SSC5D: variants seen among roughly 807,000 people sequenced by gnomAD.
SSC5D encodes soluble scavenger receptor cysteine-rich domain-containing protein SSC5D.
SSC5D carries 106 observed loss-of-function variants against 104.6 expected under a neutral mutation model. The ratio of observed to expected loss-of-function variants is 1.01; its 90% CI spans 0.87 to 1.19. The LOEUF is 1.19. Ranked by LOEUF, SSC5D falls within the 50% of genes most tolerant of loss-of-function variation. The probability of loss-of-function intolerance (pLI) is 0.00; values close to 1 mark genes in which losing one functional copy is unlikely to be tolerated. For missense variants in SSC5D, 1,993 were observed against 2,153.8 expected (o/e 0.93, Z 1.48); for synonymous variants, 860 against 883.5 (o/e 0.97, Z 0.47).
At chr19:55,497,782 T>G in intron 8 of SSC5D, 98 bp from the exon 9 acceptor site, 3 of 1,180,396 alleles carry the variant, frequency 2.5e-6, no homozygotes, top group Non-Finnish European at 3.5e-6. Context: ...CCTAGATGGA[T>G]GAGTGGAAAG....
rs558355009 is a variant in SSC5D, at chr19:55,501,161, G to T, written c.2745G>T (p.Pro915=). 6.5e-7 allele frequency: 1 copy of T among 1,546,136 alleles called. No individual in the cohort carries two copies. Among genetic ancestry groups the T allele is most frequent in the African/African-American group, 1.4e-5 (1 of 72,782 alleles). Residue 915 remains proline, a synonymous_variant, in exon 12 of 14, where the codon CCG becomes CCT. Transcript: ENST00000389623. The part of the protein sequence containing the change: ...HTLPWRTTRR[P]GSSSPAIRRL... ...TCCCCTGGAGGACCACCCGGCGCCC[G>T]GGTAGCTCCTCCCCAGCAATAAGGC... is the stretch of plus-strand genomic sequence containing the variant.
intron 12 of SSC5D, chr19:55,504,281 G>T: frequency 6.8e-7 from 1 of 1,473,970 alleles, no homozygotes; most frequent in South Asian, 1.3e-5. Flanking sequence ...CCGTAGGGTA[G>T]GGAGGCAGCC....
At chr19:55,514,273 T>C (rs12977078) in intron 13 of SSC5D, among the ~76,000 whole-genome samples, 95,604 of 151,002 alleles carry the variant, frequency 0.63, 32,296 homozygotes, top group South Asian at 0.78. Context: ...GGCGTGGTGG[T>C]AGGCACCTAT....
At position 55,490,946 on chromosome 19, in the gene SSC5D, G is replaced by A; in HGVS notation, c.761G>A (p.Gly254Glu). The stretch of plus-strand genomic sequence containing the variant: ...GCTGCCCCCGGCGGTGCCAGATTCG[G>A]GCCTGGTGCAGGGCCCGTGTGGATG... ...ALAAPGGARF[G>E]PGAGPVWMDD... is the part of the protein sequence containing the mutation. Residue 254 changes from glycine to glutamate, a missense_variant, in exon 6 of 14, where the codon GGG becomes GAG. Transcript: ENST00000389623. The A allele has an allele frequency of 6.5e-7, 1 of 1,545,382 alleles. No individual in the cohort carries two copies. The highest frequency in any genetic ancestry group is 8.7e-7 in the Non-Finnish European group (1 of 1,144,264).
rs560517283 is a variant in SSC5D at position 55,494,730 on chromosome 19, T to C, written c.1334T>C (p.Val445Ala). 1 of 1,550,010 alleles carries C rather than the reference T, an allele frequency of 6.5e-7. No homozygotes were observed. The highest frequency in any genetic ancestry group is 2.4e-5 in the East Asian group (1 of 40,822). Reference sequence around the variant, plus strand: ...AGCCAGGCTCCAGGGACGGCAGGCGTTTCACCTCCTCCAGCCTCCCCTACT... The same window carrying C: ...AGCCAGGCTCCAGGGACGGCAGGCGCTTCACCTCCTCCAGCCTCCCCTACT... ...MTSQAPGTAG[V>A]SPPPASPTVL... The change falls in exon 8 of 14, where the codon GTT becomes GCT. Residue 445 changes from valine (V) to alanine (A), a missense_variant. Transcript: ENST00000389623.
chr19:55,500,746 G>C lies in SSC5D; in HGVS notation c.2559G>C (p.Ser853=). The part of the protein sequence containing the change: ...GSEASLSDCP[S]GAWGKHNCDH... ...AGGCCTCACTGAGCGACTGCCCCTC[G>C]GGGGCTTGGGGGAAGCACAACTGTG... The change falls in exon 11 of 14, where the codon TCG becomes TCC. Residue 853 remains serine (S), a synonymous_variant. Coordinates refer to ENST00000389623, the MANE Select transcript of SSC5D (RefSeq NM_001144950.2). The surrounding 1 kb of genome is among the most constrained non-coding windows in gnomAD (Gnocchi z 4.6). 3.2e-6 allele frequency: 5 copies of C among 1,551,614 alleles called. No homozygotes were observed. Among genetic ancestry groups the C allele is most frequent in the Non-Finnish European group, 4.4e-6 (5 of 1,146,990 alleles).
At position 55,500,056 on chromosome 19, in the gene SSC5D, C is replaced by G; in HGVS notation, c.1946C>G (p.Thr649Arg). The stretch of plus-strand genomic sequence containing the variant: ...ACTCAACCCCCAGTGATGCCAACCA[C>G]GAAACACTCCAGGGCCCAAAGCCCC... The part of the protein sequence containing the change: ...PTTQPPVMPT[T>R]KHSRAQSPPD... Residue 649 changes from threonine (T) to arginine (R), a missense_variant, in exon 10 of 14, where the codon ACG (threonine) becomes AGG (arginine). This residue lies in a region of SSC5D where 1,101 missense variants were observed against 1,085.0 expected (regional missense o/e 1.01). Transcript: ENST00000389623. This position sits in a 1 kb window ranked among gnomAD's most constrained non-coding sequence, Gnocchi z 4.6. The G allele has an allele frequency of 6.4e-7, 1 of 1,551,780 alleles. No individual in the cohort carries two copies. Among genetic ancestry groups the G allele is most frequent in the Non-Finnish European group, 8.7e-7 (1 of 1,147,008 alleles).
chr19:55,490,220 G>A, intron 4 of SSC5D, 78 bp from the exon 5 acceptor site: 3 of 647,826 alleles, frequency 4.6e-6, no homozygotes. Flanking sequence ...CAGACCCTCA[G>A]AGACGGAGGC....
In SSC5D at chr19:55,494,686, G is replaced by GCC. The variant is rs1355089379; in HGVS notation, c.1294_1295dup (p.Ser433ArgfsTer4). The GCC allele has an allele frequency of 2.5e-5, 38 of 1,550,036 alleles. No individual in the cohort carries two copies. Among genetic ancestry groups the GCC allele is most frequent in the Non-Finnish European group, 2.8e-5 (32 of 1,146,490 alleles). ...CCACGCCCAGGGAGGCTGCCTCCAG[G>GCC]CCCCCGTCCACCATGACGAGCCAGG... On this transcript the variant is annotated frameshift_variant, in exon 8 of 14. Coordinates refer to ENST00000389623, the MANE Select transcript of SSC5D (RefSeq NM_001144950.2). LOFTEE classifies it high-confidence loss of function.
chr19:55,493,544 C>G, intron 6 of SSC5D, 51 bp from the exon 7 acceptor site: 1 of 1,384,998 alleles, frequency 7.2e-7, no homozygotes, highest in Non-Finnish European at 9.3e-7. Flanking sequence ...GCTTAGTCCC[C>G]GCTCATCCAC....
Position 55,517,622 on chromosome 19 carries a change from G to T in SSC5D, c.3346G>T (p.Glu1116Ter). ...SEVTSLSPTS[E>*]QVPESDTTPD... ...GGTGACCAGCCTTTCCCCTACCTCA[G>T]AGCAGGTCCCAGAATCTGACACAAC... The change falls in exon 14 of 14, where the codon GAG becomes TAG. Residue 1116 changes from glutamate to a stop codon, truncating the protein, a stop_gained. Coordinates refer to ENST00000389623, the MANE Select transcript of SSC5D (RefSeq NM_001144950.2). LOFTEE classifies it low-confidence loss of function (END_TRUNC). The T allele has an allele frequency of 6.4e-7, 1 of 1,551,608 alleles. No homozygotes were observed. Among genetic ancestry groups the T allele is most frequent in the Non-Finnish European group, 8.7e-7 (1 of 1,147,028 alleles).
intron 9 of SSC5D, among the ~76,000 whole-genome samples, chr19:55,499,052 C>G (rs1451053817): frequency 2.0e-5 from 3 of 152,164 alleles, no homozygotes; most frequent in Non-Finnish European, 2.9e-5. Flanking sequence ...GAAGTTCCCC[C>G]AAGCCTTGGC....
chr19:55,493,994 G>GGGGGGGGGGGGGGGGGC, intron 7 of SSC5D, 82 bp downstream of exon 7: 1 of 143,314 alleles, frequency 7.0e-6, no homozygotes, highest in Non-Finnish European at 1.4e-5. Context: ...GGGCGGGGGG[G>GGGGGGGGGGGGGGGGGC]TCCCTACGCG....
In SSC5D at chr19:55,518,291, G is replaced by T. The variant is rs878940784; in HGVS notation, c.4015G>T (p.Val1339Leu). 1.3e-6 allele frequency: 2 copies of T among 1,519,500 alleles called. No homozygotes were observed. The highest frequency in any genetic ancestry group is 2.1e-5 in the Admixed American group (1 of 47,738). 94.1% of individuals were successfully genotyped at this position (1,519,500 alleles called of 1,614,324 possible). The change falls in exon 14 of 14, where the codon GTG becomes TTG. Residue 1339 changes from valine to leucine, a missense_variant. Val to Leu is a conservative substitution (Grantham distance 32, BLOSUM62 1). Around this residue, in one of 6 missense-constraint regions of SSC5D, gnomAD observed 349 missense variants for 397.6 expected, o/e 0.88. Coordinates refer to ENST00000389623, the MANE Select transcript of SSC5D (RefSeq NM_001144950.2). Reference protein sequence around the residue: ...DPSSTPVITTVSLPTSLGTEL... With the variant: ...DPSSTPVITTLSLPTSLGTEL... Reference sequence around the variant, plus strand: ...TTCCTCAACCCCTGTCATCACTACTGTGTCCCTTCCAACCTCCTTGGGGAC... The same window carrying T: ...TTCCTCAACCCCTGTCATCACTACTTTGTCCCTTCCAACCTCCTTGGGGAC...
At chr19:55,489,057 T>TGGGGGGGGGGGGGC in intron 2 of SSC5D, 25 bp downstream of exon 2, 1 of 1,247,978 alleles carries the variant, frequency 8.0e-7, no homozygotes, top group African/African-American at 2.1e-5. Flanking sequence ...TCCTCCCATC[T>TGGGGGGGGGGGGGC]GCCCGCCCCC....
chr19:55,502,461 C>T (rs1371585064), intron 12 of SSC5D, among the ~76,000 whole-genome samples: 3 of 151,852 alleles, frequency 2.0e-5, no homozygotes, highest in Non-Finnish European at 2.9e-5. Context: ...CTCCAGTTTT[C>T]GTGGTCAGTT....
At chr19:55,513,242 C>T in intron 13 of SSC5D, 70 bp downstream of exon 13, 27 of 1,374,016 alleles carry the variant, frequency 2.0e-5, no homozygotes, top group Non-Finnish European at 2.5e-5. Flanking sequence ...AGATTCCAGA[C>T]TCCCCACTGG....
At chr19:55,513,596 G>A (rs1301063047) in intron 13 of SSC5D, among the ~76,000 whole-genome samples, 4 of 152,140 alleles carry the variant, frequency 2.6e-5, no homozygotes, top group Non-Finnish European at 5.9e-5. Context: ...AGAACCAAGA[G>A]GTTATTATCT....
At chr19:55,510,442 A>G (rs113772830) in intron 12 of SSC5D, among the ~76,000 whole-genome samples, 5,295 of 152,250 alleles carry the variant, frequency 0.035, 150 homozygotes, top group Non-Finnish European at 0.058. Flanking sequence ...TCCGCCTCCC[A>G]GGTTCAAGTG....
Sources: gnomAD v4.1 joint callset for allele counts (sites outside exome capture counted in the v4.1 genomes callset) on GRCh38, gnomAD v4.1.1 for gene constraint, gnomAD v4.1.1 regional missense constraint, Gnocchi (gnomAD v3.1) non-coding constraint, MANE v1.5 for transcripts, NCBI Gene and HGNC (gene_info 2026-07-23, HGNC 2026-07-21) for gene names.